GPR158: variants seen among roughly 807,000 people sequenced by gnomAD.
The protein encoded by GPR158 is G protein-coupled receptor 158, also known as metabotropic glycine receptor.
GPR158 carries 30 observed loss-of-function variants against 78.2 expected under a neutral mutation model. The ratio of observed to expected loss-of-function variants is 0.38; its 90% CI spans 0.29 to 0.52. The LOEUF (loss-of-function observed/expected upper bound fraction) is 0.52, where lower values mean the gene tolerates loss of function less well. Among genes scored for constraint, GPR158 ranks in the 20% least tolerant of loss-of-function variants. GPR158 has a pLI of 0.83. For missense variants in GPR158, 1,463 were observed against 1,523.5 expected (o/e 0.96, Z 0.66); for synonymous variants, 581 against 591.1 (o/e 0.98, Z 0.25).
chr10:25,469,601 G>A (rs913233832), intron 5 of GPR158, among the ~76,000 whole-genome samples: 7 of 151,758 alleles, frequency 4.6e-5, no homozygotes, highest in African/African-American at 9.7e-5. Flanking sequence ...TGTCTAACAC[G>A]GTGAAACCCC....
chr10:25,408,926 G>A (rs1365531682), intron 3 of GPR158, among the ~76,000 whole-genome samples: 1 of 152,158 alleles, frequency 6.6e-6, no homozygotes, highest in Non-Finnish European at 1.5e-5. Context: ...GTGAGAACCT[G>A]CTTTGGACTC....
At chr10:25,393,852 T>G (rs1688355250) in intron 2 of GPR158, 2 of 152,236 alleles carry the variant, frequency 1.3e-5, no homozygotes, top group African/African-American at 4.8e-5. Context: ...TTTTTGGATC[T>G]GTTTCCTTCA....
intron 5 of GPR158, among the ~76,000 whole-genome samples, chr10:25,498,242 A>G (rs1367948465): frequency 2.6e-5 from 4 of 152,178 alleles, no homozygotes; most frequent in Non-Finnish European, 4.4e-5. Context: ...CAGAGTAACC[A>G]CTATCCCGAC....
In GPR158 at chr10:25,176,419, G is replaced by A; in HGVS notation, c.902+97G>A. On this transcript the variant is annotated intron_variant, in intron 1 of 10. Transcript: ENST00000376351. This position sits in a 1 kb window ranked among gnomAD's most constrained non-coding sequence, Gnocchi z 6.3. ...GTGTGAGGAAGGAACCCTTGGCTGTGACGCGAACGCTTCTCACCCTCAGAG... is the reference window on the plus strand; with the variant it reads ...GTGTGAGGAAGGAACCCTTGGCTGTAACGCGAACGCTTCTCACCCTCAGAG... The A allele has an allele frequency of 1.0e-6, 1 of 977,686 alleles. No individual in the cohort carries two copies. Among genetic ancestry groups the A allele is most frequent in the Non-Finnish European group, 1.5e-6 (1 of 675,728 alleles). The allele number at this position is 977,686 out of a possible 1,614,324, so 60.6% of individuals were successfully genotyped here. A position where few individuals can be genotyped will look rare whatever the true frequency, so the allele number is the denominator to read the frequency against.
chr10:25,409,549 A>G (rs933336947), intron 3 of GPR158, among the ~76,000 whole-genome samples: 1 of 152,164 alleles, frequency 6.6e-6, no homozygotes, highest in Non-Finnish European at 1.5e-5. Flanking sequence ...TTTTCTTTTC[A>G]ACTGATTCCT....
intron 2 of GPR158, among the ~76,000 whole-genome samples, chr10:25,350,725 T>C (rs1468531992): frequency 6.6e-6 from 1 of 151,996 alleles, no homozygotes. Context: ...AGGACAGTTG[T>C]TTCAGGATTA....
chr10:25,348,101 G>GC (rs1384764652), intron 2 of GPR158, among the ~76,000 whole-genome samples: 2 of 151,862 alleles, frequency 1.3e-5, no homozygotes, highest in Non-Finnish European at 2.9e-5. Flanking sequence ...CCTGAAACCT[G>GC]CCAAAGAGTT....
rs1045285869 is a variant in GPR158 at position 25,338,129 on chromosome 10, C to A, written c.1009-57782C>A. On this transcript the variant is annotated intron_variant, in intron 2 of 10. Transcript: ENST00000376351. ...AAAAAAGGTTTTGGTTTAGTGAAGT[C>A]CAATTTATTGGCCTTTTCCTTTATA... 3.3e-5 allele frequency among the ~76,000 whole-genome samples: 5 copies of A among 151,496 alleles called. No homozygotes were observed. The South Asian group carries it at 1.0e-3, about 32-fold the overall frequency.
At chr10:25,326,136 C>T (rs1423489159) in intron 2 of GPR158, among the ~76,000 whole-genome samples, 1 of 152,096 alleles carries the variant, frequency 6.6e-6, no homozygotes, top group Non-Finnish European at 1.5e-5. Flanking sequence ...TGAGTTGTTC[C>T]TGCCCACATG....
chr10:25,422,260 C>T (rs1834761480), intron 4 of GPR158, among the ~76,000 whole-genome samples: 1 of 152,114 alleles, frequency 6.6e-6, no homozygotes, highest in Non-Finnish European at 1.5e-5. Context: ...GGTCCGAAAC[C>T]CCTGGGGCTG....
intron 2 of GPR158, among the ~76,000 whole-genome samples, chr10:25,312,795 A>G (rs1564418806): frequency 1.3e-5 from 2 of 152,156 alleles, no homozygotes; most frequent in East Asian, 3.9e-4. Flanking sequence ...CTTAAGTGAA[A>G]TTGAATCATT....
At chr10:25,277,129 T>A (rs1854194488) in intron 2 of GPR158, among the ~76,000 whole-genome samples, 1 of 151,976 alleles carries the variant, frequency 6.6e-6, no homozygotes, top group Non-Finnish European at 1.5e-5. Flanking sequence ...TAAAAATTTT[T>A]AAAAGAAATT....
At chr10:25,475,722 T>A (rs1467755570) in intron 5 of GPR158, 2 of 152,136 alleles carry the variant, frequency 1.3e-5, no homozygotes, top group Non-Finnish European at 2.9e-5. Context: ...TTAAATACCT[T>A]ACCTACTTTC....
At chr10:25,540,587 A>G (rs547197238) in intron 5 of GPR158, among the ~76,000 whole-genome samples, 98 of 152,252 alleles carry the variant, frequency 6.4e-4, no homozygotes, top group African/African-American at 2.3e-3. Flanking sequence ...TGTGGCACAT[A>G]TACACCATGG....
chr10:25,360,674 T>G (rs151237999), intron 2 of GPR158, among the ~76,000 whole-genome samples: 3,774 of 152,112 alleles, frequency 0.025, 172 homozygotes, highest in African/African-American at 0.086. Context: ...CTTGTAGTAT[T>G]GTTTGAAGTC....
At chr10:25,595,317 T>TG (rs1375215855) in intron 9 of GPR158, among the ~76,000 whole-genome samples, 1 of 152,252 alleles carries the variant, frequency 6.6e-6, no homozygotes, top group African/African-American at 2.4e-5. Context: ...TAGACACAAG[T>TG]ATTTGTATAG....
chr10:25,289,879 G>C (rs985864174), intron 2 of GPR158, among the ~76,000 whole-genome samples: 4 of 152,122 alleles, frequency 2.6e-5, no homozygotes, highest in Non-Finnish European at 5.9e-5. Context: ...AATAACCTTA[G>C]AGAAATCCTA....
At chr10:25,467,101 G>T (rs1247742813) in intron 5 of GPR158, among the ~76,000 whole-genome samples, 2 of 152,144 alleles carry the variant, frequency 1.3e-5, no homozygotes, top group Admixed American at 1.3e-4. Flanking sequence ...TCAGATTCGA[G>T]CAATACGTTG....
At chr10:25,369,564 G>T (rs377331163) in intron 2 of GPR158, among the ~76,000 whole-genome samples, 2 of 150,614 alleles carry the variant, frequency 1.3e-5, no homozygotes, top group Non-Finnish European at 3.0e-5. Context: ...GCTGGATTCG[G>T]TTTGCCAGTA....
Sources: gnomAD v4.1 joint callset for allele counts (sites outside exome capture counted in the v4.1 genomes callset) on GRCh38, gnomAD v4.1.1 for gene constraint, Gnocchi (gnomAD v3.1) non-coding constraint, MANE v1.5 for transcripts, NCBI Gene and HGNC (gene_info 2026-07-23, HGNC 2026-07-21) for gene names.